Variants in CTHRC1 observed in about 807,000 individuals in gnomAD.
The protein encoded by CTHRC1 is collagen triple helix repeat-containing protein 1.
A neutral mutation model predicts 25.9 loss-of-function variants in CTHRC1; 21 were observed. That is an observed-to-expected ratio of 0.81 (90% CI 0.57 to 1.17). The LOEUF is 1.17. CTHRC1 is among the 50% of genes most tolerant of loss of function. The pLI is 0.00. For synonymous variants in CTHRC1, 109 were observed against 113.1 expected, an observed-to-expected ratio of 0.96 and a Z score of 0.23; for missense variants, 281 against 304.3, an observed-to-expected ratio of 0.92 and a Z score of 0.57.
chr8:103,372,527 CATT>C (rs765019516), intron 1 of CTHRC1: 150 of 1,598,146 alleles, frequency 9.4e-5, no homozygotes, highest in Non-Finnish European at 1.2e-4. Context: ...GGCAGTCTGT[CATT>C]ACACACACCC....
At chr8:103,372,424 G>A (rs1815724027) in intron 1 of CTHRC1, 1 of 1,488,014 alleles carries the variant, frequency 6.7e-7, no homozygotes, top group African/African-American at 1.4e-5. Flanking sequence ...CTGGGGCTAG[G>A]AATGGTTCAG....
chr8:103,375,603 C>CTCAT, intron 1 of CTHRC1, 135 bp from the exon 2 acceptor site: 1 of 762,562 alleles, frequency 1.3e-6, no homozygotes, highest in Non-Finnish European at 2.4e-6. Context: ...TCTGTAATAA[C>CTCAT]TCATCTAGAA....
At chr8:103,374,883 A>C (rs1340310987) in intron 1 of CTHRC1, among the ~76,000 whole-genome samples, 3 of 152,198 alleles carry the variant, frequency 2.0e-5, no homozygotes, top group Non-Finnish European at 4.4e-5. Flanking sequence ...TCACAGAGCT[A>C]ATGTAAGGTG....
At chr8:103,377,996 T>A (rs2687364) in intron 2 of CTHRC1, 31 bp from the exon 3 acceptor site, 828,727 of 1,513,644 alleles carry the variant, frequency 0.55, 230,304 homozygotes, top group East Asian at 0.64. Flanking sequence ...TAGAAAATGT[T>A]AATTAAATCC....
At chr8:103,381,266 G>A (rs1324165652) in intron 3 of CTHRC1, among the ~76,000 whole-genome samples, 1 of 134,608 alleles carries the variant, frequency 7.4e-6, no homozygotes, top group Non-Finnish European at 1.6e-5. Context: ...CCCACAACAG[G>A]CCCGGGGTGT....
intron 1 of CTHRC1, among the ~76,000 whole-genome samples, chr8:103,372,219 C>CACATGG (rs1345865592): frequency 6.6e-6 from 1 of 152,172 alleles, no homozygotes; most frequent in East Asian, 1.9e-4. Flanking sequence ...CCTCGCTGAT[C>CACATGG]ACATGGACCT....
In CTHRC1 at chr8:103,377,607, T is replaced by A. The variant is rs1233757415; in HGVS notation, c.373-420T>A. 2.4e-5 allele frequency among the ~76,000 whole-genome samples: 3 copies of A among 127,248 alleles called. No individual in the cohort carries two copies. In the South Asian group the frequency reaches 7.2e-4, roughly 31 times the overall value. The allele number at this position is 127,248 out of a possible 152,430, so 83.5% of individuals were successfully genotyped here. Reference sequence around the variant, plus strand: ...ATAAAAGTTAAGCTTTATTTTTGTTTATTTTAATTTTTTTGAGACAGAGTC... The same window carrying A: ...ATAAAAGTTAAGCTTTATTTTTGTTAATTTTAATTTTTTTGAGACAGAGTC... On this transcript the variant is annotated intron_variant, in intron 2 of 3. Transcript: ENST00000330295.
chr8:103,382,284 G>C (rs28437723), intron 3 of CTHRC1, among the ~76,000 whole-genome samples, 174 bp from the exon 4 acceptor site: 34,100 of 152,040 alleles, frequency 0.22, 4,036 homozygotes, highest in Middle Eastern at 0.31. Context: ...AAATATTTAT[G>C]TACCAATTTA....
At chr8:103,379,143 T>C (rs1815860625) in intron 3 of CTHRC1, among the ~76,000 whole-genome samples, 1 of 152,252 alleles carries the variant, frequency 6.6e-6, no homozygotes, top group Admixed American at 6.5e-5. Context: ...ATTTTTATAC[T>C]GTTTCTGTAT....
At position 103,382,843 on chromosome 8, in the gene CTHRC1, A is replaced by T. The variant is rs964235944; in HGVS notation, c.*243A>T. On this transcript the variant is annotated 3_prime_UTR_variant, in exon 4 of 4. Transcript: ENST00000330295. ...CTTTCTTCATAGTCACATTCTCTCAACCTATAATTTGGAATATTGTTGTGG... is the reference window on the plus strand; with the variant it reads ...CTTTCTTCATAGTCACATTCTCTCATCCTATAATTTGGAATATTGTTGTGG... 1.6e-5 allele frequency: 7 copies of T among 442,166 alleles called. No homozygotes were observed. The highest frequency in any genetic ancestry group is 2.5e-5 in the Non-Finnish European group (6 of 242,890). 27.4% of individuals were successfully genotyped at this position (442,166 alleles called of 1,614,324 possible).
intron 3 of CTHRC1, 48 bp downstream of exon 3, chr8:103,378,291 A>G: frequency 6.7e-7 from 1 of 1,492,462 alleles, no homozygotes; most frequent in Non-Finnish European, 9.2e-7. Context: ...TCTAAGTAAG[A>G]TTAGTTTTGA....
intron 1 of CTHRC1, 102 bp downstream of exon 1, chr8:103,371,908 C>T (rs1815712174): frequency 8.6e-7 from 1 of 1,167,400 alleles, no homozygotes; most frequent in African/African-American, 1.6e-5. Flanking sequence ...GGGTGTCTGT[C>T]TGTACAGCTG....
rs768929764 is a variant in CTHRC1 at position 103,381,997 on chromosome 8, CA to C, written c.590-447del. On this transcript the variant is annotated intron_variant, in intron 3 of 3. Coordinates refer to ENST00000330295, the MANE Select transcript of CTHRC1 (RefSeq NM_138455.4). ...TGGGTGACAGAGCGAGATTCCATCT[CA>C]AAAAAAAAAAAAAGTTATTTCGTCT... is the stretch of plus-strand genomic sequence containing the variant. 7.5e-3 allele frequency among the ~76,000 whole-genome samples: 908 copies of C among 121,372 alleles called. 13 individuals carry two copies. The highest frequency in any genetic ancestry group is 0.019 in the African/African-American group (611 of 32,834). The allele number at this position is 121,372 out of a possible 152,430, so 79.6% of individuals were successfully genotyped here.
rs1284833205 is a variant in CTHRC1, at chr8:103,378,229, A to G, written c.575A>G (p.His192Arg). Residue 192 changes from histidine (H) to arginine (R), a missense_variant, in exon 3 of 4, where the codon CAT becomes CGT. Transcript: ENST00000330295. ...GAAATGAATTCAACAATTAATATTC[A>G]TCGCACTTCTTCTGGTATGTAAAAT... ...SPEMNSTINI[H>R]RTSSVEGLCE... The G allele has an allele frequency of 5.6e-6, 9 of 1,612,478 alleles. No homozygotes were observed. Among genetic ancestry groups the G allele is most frequent in the Non-Finnish European group, 7.6e-6 (9 of 1,179,410 alleles).
chr8:103,373,863 GA>G (rs948603060), intron 1 of CTHRC1, among the ~76,000 whole-genome samples: 2 of 151,534 alleles, frequency 1.3e-5, no homozygotes, highest in African/African-American at 4.9e-5. Context: ...GAATAATAGT[GA>G]AAAAAATCAA....
rs150381276 is a variant in CTHRC1, at chr8:103,379,900, C to T, written c.589+1657C>T. The stretch of plus-strand genomic sequence containing the variant: ...TTGAAACATAAAGAAGAGATTTTAA[C>T]CCCCTCTCTTTGCATATTGAGAAAC... On this transcript the variant is annotated intron_variant, in intron 3 of 3. Coordinates refer to ENST00000330295, the MANE Select transcript of CTHRC1 (RefSeq NM_138455.4). 3.3e-3 allele frequency among the ~76,000 whole-genome samples: 497 copies of T among 152,266 alleles called. 9 individuals are homozygous for T. The highest frequency in any genetic ancestry group is 9.9e-3 in the African/African-American group (410 of 41,526).
intron 2 of CTHRC1, among the ~76,000 whole-genome samples, 157 bp from the exon 3 acceptor site, chr8:103,377,870 C>G (rs902591688): frequency 5.3e-5 from 8 of 152,212 alleles, no homozygotes; most frequent in African/African-American, 1.9e-4. Flanking sequence ...TCCCAAAATG[C>G]TGGGATTACA....
intron 1 of CTHRC1, among the ~76,000 whole-genome samples, chr8:103,374,027 C>T (rs1400935322): frequency 1.3e-5 from 2 of 152,064 alleles, no homozygotes; most frequent in African/African-American, 4.8e-5. Context: ...AAATGCTTTA[C>T]TTTTTGTGTC....
rs1815936153 is a variant in CTHRC1, at chr8:103,382,726, A to G, written c.*126A>G. On this transcript the variant is annotated 3_prime_UTR_variant, in exon 4 of 4. Transcript: ENST00000330295. Reference sequence around the variant, plus strand: ...GCAAAGCTAAATATGTTTACAGACCAAAGTGTGATTTCACACTGTTTTTAA... The same window carrying G: ...GCAAAGCTAAATATGTTTACAGACCGAAGTGTGATTTCACACTGTTTTTAA... 1.1e-6 allele frequency: 1 copy of G among 881,716 alleles called. No individual in the cohort carries two copies. The highest frequency in any genetic ancestry group is 1.6e-5 in the African/African-American group (1 of 60,804). 54.6% of individuals were successfully genotyped at this position (881,716 alleles called of 1,614,324 possible).
Sources: gnomAD v4.1 joint callset for allele counts (sites outside exome capture counted in the v4.1 genomes callset) on GRCh38, gnomAD v4.1.1 for gene constraint, MANE v1.5 for transcripts, NCBI Gene and HGNC (gene_info 2026-07-23, HGNC 2026-07-21) for gene names.